The following PPM1L variants were observed in gnomAD, a reference collection of about 807,000 sequenced individuals.
The protein encoded by PPM1L is protein phosphatase, Mg2+/Mn2+ dependent 1L.
In PPM1L, 13 loss-of-function variants were observed where a neutral mutation model predicts 31.4. The observed-to-expected ratio is 0.41, with a 90% CI of 0.27 to 0.66. The LOEUF (loss-of-function observed/expected upper bound fraction) is 0.66. PPM1L is among the 30% of genes least tolerant of loss of function. The pLI is 0.29. For missense variants in PPM1L, 326 were observed against 453.7 expected, an observed-to-expected ratio of 0.72 and a Z score of 2.56; for synonymous variants, 184 against 175.4, an observed-to-expected ratio of 1.05 and a Z score of -0.39.
intron 1 of PPM1L, among the ~76,000 whole-genome samples, chr3:160,774,663 C>G (rs1711520027): frequency 6.6e-6 from 1 of 152,130 alleles, no homozygotes; most frequent in African/African-American, 2.4e-5. Context: ...CACTGAATAC[C>G]TGATGGATAC....
chr3:160,848,854 A>G (rs2108110996), intron 1 of PPM1L, among the ~76,000 whole-genome samples: 1 of 152,302 alleles, frequency 6.6e-6, no homozygotes, highest in Admixed American at 6.5e-5. Context: ...CATCTACTCA[A>G]TTACTGAAGC....
At chr3:161,067,766 G>T (rs1159754284) in intron 3 of PPM1L, among the ~76,000 whole-genome samples, 1 of 152,156 alleles carries the variant, frequency 6.6e-6, no homozygotes, top group East Asian at 1.9e-4. Flanking sequence ...ATGCTTCCTG[G>T]AATGTCCTCC....
intron 1 of PPM1L, among the ~76,000 whole-genome samples, chr3:160,945,124 T>TATG (rs1559897816): frequency 3.4e-3 from 79 of 23,406 alleles, no homozygotes; most frequent in Middle Eastern, 0.029. Flanking sequence ...TATCTATCTA[T>TATG]CTATCTATCT....
intron 1 of PPM1L, among the ~76,000 whole-genome samples, chr3:160,828,033 G>A (rs1486556549): frequency 6.6e-6 from 1 of 151,826 alleles, no homozygotes; most frequent in Non-Finnish European, 1.5e-5. Flanking sequence ...TTTGAGGAGA[G>A]TACCCAGCCT....
chr3:160,765,958 A>G (rs1028310268), intron 1 of PPM1L, among the ~76,000 whole-genome samples: 7 of 152,130 alleles, frequency 4.6e-5, no homozygotes, highest in African/African-American at 1.7e-4. Context: ...CTGCGTTTTC[A>G]TTCTAGAAGG....
intron 2 of PPM1L, among the ~76,000 whole-genome samples, chr3:161,017,467 G>A (rs16831756): frequency 0.21 from 31,877 of 151,956 alleles, 3,538 homozygotes; most frequent in South Asian, 0.3. Flanking sequence ...TTCAAGTTTC[G>A]AGTACCTAGC....
At chr3:161,068,365 G>T (rs984021011) in intron 3 of PPM1L, among the ~76,000 whole-genome samples, 1 of 152,114 alleles carries the variant, frequency 6.6e-6, no homozygotes, top group Non-Finnish European at 1.5e-5. Flanking sequence ...CTATTTGGGG[G>T]GACAGAGCTG....
At chr3:161,016,519 G>A (rs1224944819) in intron 2 of PPM1L, among the ~76,000 whole-genome samples, 3 of 152,224 alleles carry the variant, frequency 2.0e-5, no homozygotes, top group African/African-American at 7.2e-5. Context: ...GGAGGGAGAT[G>A]TTAAATTGGA....
At chr3:160,953,815 T>G (rs949463666) in intron 1 of PPM1L, among the ~76,000 whole-genome samples, 5 of 152,208 alleles carry the variant, frequency 3.3e-5, no homozygotes, top group Non-Finnish European at 7.3e-5. Context: ...ATTTAATATG[T>G]TGTGTAACTT....
intron 2 of PPM1L, among the ~76,000 whole-genome samples, chr3:161,021,503 T>C (rs1229382581): frequency 6.6e-6 from 1 of 152,058 alleles, no homozygotes; most frequent in Non-Finnish European, 1.5e-5. Context: ...CTTTATTGGG[T>C]GGAGTGTTCT....
chr3:160,867,951 G>A (rs1456669133), intron 1 of PPM1L, among the ~76,000 whole-genome samples: 1 of 152,036 alleles, frequency 6.6e-6, no homozygotes, highest in South Asian at 2.1e-4. Context: ...CTTCATACTG[G>A]GTTACATTTT....
intron 2 of PPM1L, among the ~76,000 whole-genome samples, chr3:161,059,209 A>G (rs1719503938): frequency 6.6e-6 from 1 of 152,130 alleles, no homozygotes; most frequent in Non-Finnish European, 1.5e-5. Context: ...ACAAGGTGCC[A>G]TGGCTTTGGA....
At chr3:160,977,233 T>C (rs1478960998) in intron 2 of PPM1L, among the ~76,000 whole-genome samples, 1 of 152,226 alleles carries the variant, frequency 6.6e-6, no homozygotes, top group Non-Finnish European at 1.5e-5. Flanking sequence ...TGAAGCTGGT[T>C]TGATAAGGAG....
chr3:160,770,522 A>G (rs1446577439), intron 1 of PPM1L, among the ~76,000 whole-genome samples: 2 of 152,258 alleles, frequency 1.3e-5, no homozygotes, highest in African/African-American at 2.4e-5. Flanking sequence ...TAGAACTTAT[A>G]TAGATGTAAT....
intron 2 of PPM1L, among the ~76,000 whole-genome samples, chr3:161,017,847 A>G (rs1432573716): frequency 1.3e-5 from 2 of 152,176 alleles, no homozygotes; most frequent in African/African-American, 2.4e-5. Flanking sequence ...GAGTTTTTGC[A>G]TCCTAAAATA....
intron 1 of PPM1L, among the ~76,000 whole-genome samples, chr3:160,764,717 C>G (rs1431566097): frequency 1.3e-5 from 2 of 152,212 alleles, no homozygotes; most frequent in African/African-American, 4.8e-5. Flanking sequence ...ATCTGCCCCC[C>G]TCGGCCTCCC....
intron 1 of PPM1L, among the ~76,000 whole-genome samples, chr3:160,843,623 C>G (rs111948041): frequency 2.2e-4 from 34 of 151,644 alleles, no homozygotes; most frequent in African/African-American, 6.8e-4. Context: ...CCTCTCCCCC[C>G]ACACCACAAC....
intron 2 of PPM1L, among the ~76,000 whole-genome samples, chr3:161,063,120 A>G (rs1719624209): frequency 6.6e-6 from 1 of 152,188 alleles, no homozygotes; most frequent in Non-Finnish European, 1.5e-5. Context: ...TTATAGGAGA[A>G]TTTATGCTAT....
chr3:160,776,642 C>T (rs370065069), intron 1 of PPM1L, among the ~76,000 whole-genome samples: 14 of 147,814 alleles, frequency 9.5e-5, no homozygotes, highest in African/African-American at 2.8e-4. Context: ...CTCACTCAGT[C>T]GCCCAGGTTA....
Sources: allele counts gnomAD v4.1 joint callset (sites outside exome capture counted in the v4.1 genomes callset), GRCh38; gene constraint gnomAD v4.1.1; transcripts MANE v1.5; gene names NCBI Gene and HGNC (gene_info 2026-07-23, HGNC 2026-07-21).